The following WWOX variants were observed in gnomAD, a reference collection of about 807,000 sequenced individuals.
WWOX encodes WW domain containing oxidoreductase, also known as WW domain-containing oxidoreductase.
In WWOX, 69 loss-of-function variants were observed where a neutral mutation model predicts 46.2. That is an observed-to-expected ratio of 1.49 (90% CI 1.23 to 1.82). WWOX has a LOEUF of 1.82. Among genes scored for constraint, WWOX ranks in the 40% most tolerant of loss-of-function variants. WWOX has a pLI of 0.00. For missense variants in WWOX, 919 were observed against 542.6 expected (o/e 1.69, Z -6.89); for synonymous variants, 359 against 202.6 (o/e 1.77, Z -6.56).
intron 8 of WWOX, among the ~76,000 whole-genome samples, chr16:78,754,205 G>A (rs2049575179): frequency 6.6e-6 from 1 of 152,024 alleles, no homozygotes; most frequent in African/African-American, 2.4e-5. Flanking sequence ...TCTTCACTCG[G>A]TGAGGATGGA....
chr16:79,023,222 T>G (rs1222967283), intron 8 of WWOX, among the ~76,000 whole-genome samples: 2 of 152,194 alleles, frequency 1.3e-5, no homozygotes, highest in Non-Finnish European at 2.9e-5. Flanking sequence ...TCCATCTTGT[T>G]GGAAGGCTGT....
At chr16:78,323,142 C>G (rs576972362) in intron 5 of WWOX, among the ~76,000 whole-genome samples, 1 of 152,114 alleles carries the variant, frequency 6.6e-6, no homozygotes, top group African/African-American at 2.4e-5. Context: ...GAGTCTTGCT[C>G]TGTTGCCCAG....
intron 8 of WWOX, among the ~76,000 whole-genome samples, chr16:78,605,032 C>G (rs1474633892): frequency 7.5e-6 from 1 of 134,142 alleles, no homozygotes; most frequent in Admixed American, 8.4e-5. Context: ...CTCCCTTCCT[C>G]CCTTCTTTTC....
intron 4 of WWOX, among the ~76,000 whole-genome samples, chr16:78,126,669 T>A (rs1465361485): frequency 6.6e-6 from 1 of 152,196 alleles, no homozygotes; most frequent in Non-Finnish European, 1.5e-5. Flanking sequence ...GAGAAAGAAA[T>A]TGGCCTAACT....
chr16:78,581,071 T>G (rs1028804924), intron 8 of WWOX, among the ~76,000 whole-genome samples: 1 of 152,248 alleles, frequency 6.6e-6, no homozygotes, highest in Non-Finnish European at 1.5e-5. Flanking sequence ...TTGATTTTTT[T>G]TTTAATCTAA....
intron 8 of WWOX, among the ~76,000 whole-genome samples, chr16:78,607,794 C>G (rs2045797988): frequency 6.6e-6 from 1 of 151,962 alleles, no homozygotes; most frequent in Non-Finnish European, 1.5e-5. Context: ...TGTCATTTCT[C>G]TTTGGAGCGT....
Position 79,013,132 on chromosome 16 carries a change from G to C in WWOX, c.1057-198476G>C, listed in dbSNP as rs573104994. 2.6e-5 allele frequency among the ~76,000 whole-genome samples: 4 copies of C among 152,340 alleles called. No homozygotes were observed. In the South Asian group the frequency reaches 8.3e-4, roughly 32 times the overall value. On this transcript the variant is annotated intron_variant, in intron 8 of 8. Transcript: ENST00000566780. ...TGGTCCTCCAGAATTGCCCTGTTGAGGGTATCTCCCTGCCCTGGTCTGAAA... is the reference window on the plus strand; with the variant it reads ...TGGTCCTCCAGAATTGCCCTGTTGACGGTATCTCCCTGCCCTGGTCTGAAA...
intron 8 of WWOX, among the ~76,000 whole-genome samples, chr16:79,048,639 T>G (rs943769510): frequency 6.6e-6 from 1 of 152,220 alleles, no homozygotes; most frequent in African/African-American, 2.4e-5. Flanking sequence ...TCTCTGATAA[T>G]TATACTCTAA....
intron 8 of WWOX, among the ~76,000 whole-genome samples, chr16:78,536,314 G>C (rs367957228): frequency 2.0e-5 from 3 of 151,982 alleles, no homozygotes; most frequent in South Asian, 2.1e-4. Flanking sequence ...CTAAATGAAG[G>C]CATGAGGACT....
intron 8 of WWOX, among the ~76,000 whole-genome samples, chr16:79,039,166 G>A (rs2047924329): frequency 6.6e-6 from 1 of 152,258 alleles, no homozygotes; most frequent in African/African-American, 2.4e-5. Context: ...TTTTGCAGGT[G>A]ATGCTCATGT....
At chr16:78,298,762 G>A (rs958617072) in intron 5 of WWOX, among the ~76,000 whole-genome samples, 2 of 148,838 alleles carry the variant, frequency 1.3e-5, no homozygotes, top group Admixed American at 6.7e-5. Context: ...TTGCACTCCA[G>A]CCTGGGCAAC....
intron 8 of WWOX, among the ~76,000 whole-genome samples, chr16:78,534,825 C>T (rs2043719552): frequency 6.8e-6 from 1 of 147,688 alleles, no homozygotes; most frequent in Non-Finnish European, 1.5e-5. Context: ...TTCCACTGCC[C>T]TGATCAGCTT....
intron 8 of WWOX, among the ~76,000 whole-genome samples, chr16:79,109,824 C>A (rs1033504666): frequency 3.9e-5 from 6 of 152,102 alleles, no homozygotes; most frequent in African/African-American, 1.4e-4. Context: ...CTCGATGATA[C>A]CTGCACAGAA....
intron 8 of WWOX, among the ~76,000 whole-genome samples, chr16:78,750,967 CTT>C (rs2049462477): frequency 6.6e-6 from 1 of 152,020 alleles, no homozygotes; most frequent in Non-Finnish European, 1.5e-5. Context: ...GTGCAGGTGT[CTT>C]TTTAGTAGAG....
chr16:78,423,799 C>G (rs981286526), intron 6 of WWOX, among the ~76,000 whole-genome samples: 2 of 150,894 alleles, frequency 1.3e-5, no homozygotes, highest in African/African-American at 2.4e-5. Context: ...TGAGTTATGA[C>G]CACACCACTG....
chr16:78,159,518 C>T (rs1261685585), intron 4 of WWOX, among the ~76,000 whole-genome samples: 1 of 151,952 alleles, frequency 6.6e-6, no homozygotes, highest in Admixed American at 6.6e-5. Flanking sequence ...ATGAGAACCA[C>T]CTTAAGAGGT....
chr16:79,022,069 G>C (rs1006850981), intron 8 of WWOX, among the ~76,000 whole-genome samples: 1 of 152,204 alleles, frequency 6.6e-6, no homozygotes, highest in South Asian at 2.1e-4. Context: ...AAGAGAGATG[G>C]GGATGCCAAG....
chr16:79,135,346 T>C (rs1157045171), intron 8 of WWOX, among the ~76,000 whole-genome samples: 1 of 152,206 alleles, frequency 6.6e-6, no homozygotes, highest in East Asian at 1.9e-4. Flanking sequence ...TTTTATGGAT[T>C]ACATTTATTT....
intron 8 of WWOX, among the ~76,000 whole-genome samples, chr16:78,471,185 G>A (rs1449166889): frequency 1.3e-5 from 2 of 152,174 alleles, no homozygotes; most frequent in East Asian, 3.9e-4. Flanking sequence ...ACTGACCAAT[G>A]TTGGCAACTA....
Sources: gnomAD v4.1 joint callset for allele counts (sites outside exome capture counted in the v4.1 genomes callset) on GRCh38, gnomAD v4.1.1 for gene constraint, MANE v1.5 for transcripts, NCBI Gene and HGNC (gene_info 2026-07-23, HGNC 2026-07-21) for gene names.